Variants in NBEA observed in about 807,000 individuals in gnomAD.
The protein encoded by NBEA is neurobeachin, also known as lysosomal-trafficking regulator 2.
NBEA carries 44 observed loss-of-function variants against 343.4 expected under a neutral mutation model. The ratio of observed to expected loss-of-function variants is 0.13; its 90% confidence interval spans 0.10 to 0.16. NBEA has a LOEUF of 0.16. Ranked by LOEUF, NBEA falls within the 10% of genes least tolerant of loss-of-function variation. The pLI, the probability that NBEA is intolerant of heterozygous loss-of-function variation, is 1.00. For synonymous variants in NBEA, 1,175 were observed against 1,238.7 expected (o/e 0.95, Z 1.08); for missense variants, 2,555 against 3,631.3 (o/e 0.70, Z 7.62).
intron 20 of NBEA, 142 bp from the exon 21 acceptor site, chr13:35,156,936 T>C: frequency 3.9e-6 from 2 of 510,792 alleles, no homozygotes; most frequent in Non-Finnish European, 6.5e-6. Flanking sequence ...AAGTATAGAA[T>C]ATATAACGTG....
rs1566381514 is a variant in NBEA at position 35,159,001 on chromosome 13, T to C, written c.2845-15T>C. 1 of 1,544,514 alleles carries C rather than the reference T, an allele frequency of 6.5e-7. No homozygotes were observed. Among genetic ancestry groups the C allele is most frequent in the Non-Finnish European group, 8.7e-7 (1 of 1,150,956 alleles). On this transcript the variant is annotated splice_polypyrimidine_tract_variant and intron_variant, in intron 21 of 58. Coordinates refer to ENST00000379939, the MANE Select transcript of NBEA (RefSeq NM_001385012.1). ...TGTACAAAATGCCTTAATGTTTTCT[T>C]TACTTATTCCTAAGGTCACTTATGA...
intron 38 of NBEA, among the ~76,000 whole-genome samples, chr13:35,386,643 T>A (rs1245654070): frequency 6.6e-6 from 1 of 152,166 alleles, no homozygotes; most frequent in Non-Finnish European, 1.5e-5. Flanking sequence ...TCCCAAAGTA[T>A]TTTTTAAAAT....
intron 33 of NBEA, among the ~76,000 whole-genome samples, chr13:35,216,042 C>G (rs567289091): frequency 3.3e-5 from 5 of 151,578 alleles, no homozygotes; most frequent in African/African-American, 1.2e-4. Flanking sequence ...GATGTTCCCT[C>G]TTTCATTTCA....
intron 41 of NBEA, among the ~76,000 whole-genome samples, chr13:35,502,619 G>A (rs566096303): frequency 2.2e-4 from 33 of 152,056 alleles, no homozygotes; most frequent in African/African-American, 8.0e-4. Flanking sequence ...CAGATCCTCT[G>A]GGGGTTTGTG....
chr13:35,367,119 T>A (rs2041163180), intron 38 of NBEA, among the ~76,000 whole-genome samples: 1 of 151,252 alleles, frequency 6.6e-6, no homozygotes, highest in Non-Finnish European at 1.5e-5. Flanking sequence ...AATCATAGAA[T>A]TTATGCTTTA....
chr13:35,523,705 A>G (rs1272241577), intron 41 of NBEA, among the ~76,000 whole-genome samples: 1 of 152,186 alleles, frequency 6.6e-6, no homozygotes, highest in African/African-American at 2.4e-5. Context: ...AATCCCTTCT[A>G]TATCAGTTAT....
At chr13:34,966,130 G>T (rs1199746348) in intron 1 of NBEA, among the ~76,000 whole-genome samples, 2 of 151,996 alleles carry the variant, frequency 1.3e-5, no homozygotes, top group Non-Finnish European at 2.9e-5. Flanking sequence ...ATTCCCATTT[G>T]TATATAAGAA....
chr13:35,644,915 C>T (rs148893472), intron 49 of NBEA, among the ~76,000 whole-genome samples: 1 of 152,250 alleles, frequency 6.6e-6, no homozygotes, highest in Non-Finnish European at 1.5e-5. Context: ...AAAAATTGGA[C>T]AGCACTTAAA....
chr13:35,254,783 A>G (rs940931239), intron 34 of NBEA, among the ~76,000 whole-genome samples: 1 of 152,150 alleles, frequency 6.6e-6, no homozygotes, highest in Non-Finnish European at 1.5e-5. Flanking sequence ...AAAAGCACTT[A>G]AAGTTGATAC....
At chr13:35,452,365 C>G (rs951116391) in intron 40 of NBEA, 130 bp downstream of exon 40, 3 of 682,334 alleles carry the variant, frequency 4.4e-6, no homozygotes, top group Non-Finnish European at 5.0e-6. Flanking sequence ...AATGTTAAAA[C>G]TCTACTTTAT....
intron 39 of NBEA, among the ~76,000 whole-genome samples, chr13:35,441,545 T>A (rs1053335541): frequency 2.6e-5 from 4 of 152,120 alleles, no homozygotes; most frequent in African/African-American, 9.7e-5. Flanking sequence ...CCACCTTAAT[T>A]CTTTGACTTC....
At chr13:35,581,372 G>T (rs1198212370) in intron 45 of NBEA, among the ~76,000 whole-genome samples, 2 of 152,068 alleles carry the variant, frequency 1.3e-5, no homozygotes, top group African/African-American at 2.4e-5. Flanking sequence ...CTGATGGCCA[G>T]TGATGATGAG....
At chr13:35,046,564 T>C (rs2062864389) in intron 4 of NBEA, among the ~76,000 whole-genome samples, 1 of 152,218 alleles carries the variant, frequency 6.6e-6, no homozygotes, top group South Asian at 2.1e-4. Context: ...ACCATCTATA[T>C]AATACATACT....
chr13:35,476,336 C>A (rs2075869186), intron 41 of NBEA: 2 of 1,220,946 alleles, frequency 1.6e-6, no homozygotes, highest in Non-Finnish European at 2.3e-6. Flanking sequence ...GCTGCTGCTG[C>A]TGCTGCTGCT....
chr13:35,166,061 A>G (rs2070000685), intron 24 of NBEA, among the ~76,000 whole-genome samples: 1 of 152,132 alleles, frequency 6.6e-6, no homozygotes, highest in African/African-American at 2.4e-5. Flanking sequence ...GATCATATAA[A>G]TTGCATTTTG....
At chr13:35,060,720 T>G (rs1386745165) in intron 8 of NBEA, among the ~76,000 whole-genome samples, 1 of 151,638 alleles carries the variant, frequency 6.6e-6, no homozygotes, top group Non-Finnish European at 1.5e-5. Flanking sequence ...AAAGCTTTTT[T>G]TTTCAGAAAT....
intron 33 of NBEA, among the ~76,000 whole-genome samples, chr13:35,222,377 A>T (rs1174777743): frequency 6.6e-6 from 1 of 152,096 alleles, no homozygotes; most frequent in African/African-American, 2.4e-5. Flanking sequence ...TTTTTAAAAA[A>T]ATCAAACTGA....
At position 35,643,265 on chromosome 13, in the gene NBEA, G is replaced by A. The variant is rs117568328; in HGVS notation, c.7618-2604G>A. On this transcript the variant is annotated intron_variant, in intron 49 of 58. Transcript: ENST00000379939. ...CTATTCCCCTTCCCCTCTGTCACTC[G>A]TCTGGGCTCCCAGGGCAGCCTGGGC... Among the ~76,000 whole-genome samples the A allele has an allele frequency of 2.8e-3, 427 of 151,966 alleles. 4 individuals carry two copies. The highest frequency in any genetic ancestry group is 0.013 in the East Asian group (68 of 5,152).
At chr13:35,086,159 G>A (rs1385558309) in intron 10 of NBEA, among the ~76,000 whole-genome samples, 3 of 151,974 alleles carry the variant, frequency 2.0e-5, no homozygotes, top group Non-Finnish European at 4.4e-5. Flanking sequence ...ACTGCCCAAG[G>A]TAATTTATAG....
Sources: allele counts gnomAD v4.1 joint callset (sites outside exome capture counted in the v4.1 genomes callset), GRCh38; gene constraint gnomAD v4.1.1; transcripts MANE v1.5; gene names NCBI Gene and HGNC (gene_info 2026-07-23, HGNC 2026-07-21).